Variants in TSC2 observed in about 807,000 individuals in gnomAD.
TSC2 encodes TSC complex subunit 2.
Under a neutral mutation model 202.2 loss-of-function variants are expected in TSC2, and 29 were observed. That is an observed-to-expected ratio of 0.14 (90% CI 0.11 to 0.20). TSC2 has a LOEUF of 0.20. Ranked by LOEUF, TSC2 falls within the 10% of genes least tolerant of loss-of-function variation. The pLI is 1.00. For synonymous variants in TSC2, 1,349 were observed against 1,044.0 expected, an observed-to-expected ratio of 1.29 and a Z score of -5.63; for missense variants, 2,429 against 2,420.0, an observed-to-expected ratio of 1.00 and a Z score of -0.08.
At chr16:2,066,999 T>C (rs2087473389) in intron 16 of TSC2, among the ~76,000 whole-genome samples, 1 of 151,988 alleles carries the variant, frequency 6.6e-6, no homozygotes, top group South Asian at 2.1e-4. Context: ...ATCACTTACG[T>C]GTGACTGTCA....
rs748698490 is a variant in TSC2, at chr16:2,084,672, G to A, written c.4450G>A (p.Ala1484Thr). Residue 1484 changes from alanine (A) to threonine (T), a missense_variant, in exon 34 of 42, where the codon GCC becomes ACC. By Grantham distance (58) the Ala-to-Thr change is moderately conservative. Coordinates refer to ENST00000219476, the MANE Select transcript of TSC2 (RefSeq NM_000548.5). The stretch of plus-strand genomic sequence containing the variant: ...AGAGAGGGACGCCTTAAAGAGCAGA[G>A]CCACAGCCTCCAATGCAGAGAAAGT... The part of the protein sequence containing the change: ...RVERDALKSR[A>T]TASNAEKVPG... The A allele has an allele frequency of 3.8e-6, 6 of 1,598,796 alleles. No individual in the cohort carries two copies. The highest frequency in any genetic ancestry group is 2.2e-5 in the South Asian group (2 of 91,088).
chr16:2,051,068 G>A (rs1314232393), intron 3 of TSC2, among the ~76,000 whole-genome samples: 1 of 151,596 alleles, frequency 6.6e-6, no homozygotes, highest in Admixed American at 6.6e-5. Context: ...GCTTATGCCT[G>A]TAATCCTAGG....
chr16:2,059,135 C>CA (rs2086291069), intron 10 of TSC2, among the ~76,000 whole-genome samples: 1 of 151,740 alleles, frequency 6.6e-6, no homozygotes, highest in African/African-American at 2.4e-5. Flanking sequence ...TCTATTGCCT[C>CA]AGACTCCTGA....
At position 2,053,782 on chromosome 16, in the gene TSC2, C is replaced by G. The variant is rs775568296; in HGVS notation, c.336+330C>G. On this transcript the variant is annotated intron_variant, in intron 4 of 41. Coordinates refer to ENST00000219476, the MANE Select transcript of TSC2 (RefSeq NM_000548.5). ...CTACGGTGTTGTTTTGCCCTTGCACCCTTTCGGGGCCACTCCCCTGCTCAC... is the reference window on the plus strand; with the variant it reads ...CTACGGTGTTGTTTTGCCCTTGCACGCTTTCGGGGCCACTCCCCTGCTCAC... 7 of 537,580 alleles carry G rather than the reference C, an allele frequency of 1.3e-5. No homozygotes were observed. In the African/African-American group the frequency reaches 1.3e-4, roughly 10 times the overall value. 33.3% of individuals were successfully genotyped at this position (537,580 alleles called of 1,614,324 possible).
intron 16 of TSC2, among the ~76,000 whole-genome samples, chr16:2,067,637 G>A (rs1469859663): frequency 6.6e-6 from 1 of 152,158 alleles, no homozygotes; most frequent in African/African-American, 2.4e-5. Context: ...GGGCGTGGTG[G>A]CGCATGCCTG....
chr16:2,054,345 A>T lies in TSC2; in HGVS notation c.386A>T (p.Asp129Val), dbSNP rs1555497612. Residue 129 changes from aspartate (D) to valine (V), a missense_variant, in exon 5 of 42, where the codon GAT becomes GTT. Asp to Val is a radical substitution (Grantham distance 152). Coordinates refer to ENST00000219476, the MANE Select transcript of TSC2 (RefSeq NM_000548.5). ...LRALFFKVIKDYPSNEDLHER... is the reference protein window; with the variant it reads ...LRALFFKVIKVYPSNEDLHER... ...GCCCTCTTCTTTAAGGTCATCAAGGATTACCCTTCCAACGAAGACCTTCAC... is the reference window on the plus strand; with the variant it reads ...GCCCTCTTCTTTAAGGTCATCAAGGTTTACCCTTCCAACGAAGACCTTCAC... 1 of 1,614,142 alleles carries T rather than the reference A, an allele frequency of 6.2e-7. No individual in the cohort carries two copies.
In TSC2 at chr16:2,086,261, C is replaced by T. The variant is rs920181663; in HGVS notation, c.4731C>T (p.Gly1577=). 6.2e-7 allele frequency: 1 copy of T among 1,612,712 alleles called. No individual in the cohort carries two copies. Among genetic ancestry groups the T allele is most frequent in the African/African-American group, 1.3e-5 (1 of 74,908 alleles). ...ACAGGTACACGGAGTTCCTGACGGGCCTGGGCCGGCTCATCGAGCTGAAGG... is the reference window on the plus strand; with the variant it reads ...ACAGGTACACGGAGTTCCTGACGGGTCTGGGCCGGCTCATCGAGCTGAAGG... ...GSYRYTEFLT[G]LGRLIELKDC... The change falls in exon 37 of 42, where the codon GGC becomes GGT. Residue 1577 remains glycine (G), a synonymous_variant. Transcript: ENST00000219476.
In TSC2 at chr16:2,084,229, C is replaced by G. The variant is rs148527903; in HGVS notation, c.4007C>G (p.Ser1336Trp). Residue 1336 changes from serine (S) to tryptophan (W), a missense_variant and splice_region_variant, in exon 34 of 42, where the codon TCG (serine) becomes TGG (tryptophan). Transcript: ENST00000219476. ...TCTCTTTGGGATGGTCCTTTCTAGT[C>G]GTCCTCAGTCTCCAGCCAGGAGGAG... is the stretch of plus-strand genomic sequence containing the variant. ...MDRRTDAYSR[S>W]SSVSSQEEKS... 5 of 1,584,628 alleles carry G rather than the reference C, an allele frequency of 3.2e-6. No individual in the cohort carries two copies. Among genetic ancestry groups the G allele is most frequent in the Admixed American group, 1.8e-5 (1 of 56,932 alleles).
At chr16:2,061,482 A>G in intron 11 of TSC2, 2 of 361,270 alleles carry the variant, frequency 5.5e-6, no homozygotes, top group Non-Finnish European at 1.1e-5. Flanking sequence ...TGGGAGAGGC[A>G]AGAAAGGCTT....
At chr16:2,049,010 TATC>T (rs1160565869) in intron 2 of TSC2, among the ~76,000 whole-genome samples, 1 of 152,226 alleles carries the variant, frequency 6.6e-6, no homozygotes, top group African/African-American at 2.4e-5. Flanking sequence ...GAGGCCTGAG[TATC>T]ATCATCTTCA....
chr16:2,085,771 C>T (rs960423938), intron 36 of TSC2, among the ~76,000 whole-genome samples: 1 of 152,228 alleles, frequency 6.6e-6, no homozygotes, highest in Admixed American at 6.5e-5. Flanking sequence ...CTATAGGCTG[C>T]ACCTTCATCC....
intron 32 of TSC2, chr16:2,083,267 T>C (rs1464752410): frequency 6.5e-6 from 3 of 459,990 alleles, no homozygotes; most frequent in South Asian, 4.6e-5. Context: ...GAGCCTCTGC[T>C]CTTGGGAGCA....
rs397514901 is a variant in TSC2 at position 2,080,249 on chromosome 16, C to T, written c.3482C>T (p.Ala1161Val). 1.4e-5 allele frequency: 23 copies of T among 1,612,984 alleles called. No individual in the cohort carries two copies. The highest frequency in any genetic ancestry group is 8.3e-5 in the Admixed American group (5 of 60,032). ...GCCACTTCTCCAGGACCACGGACTG[C>T]ACCAGCCGCGAAACCTGAGAAGGCC... ...GSATSPGPRTAPAAKPEKASA... is the reference protein window; with the variant it reads ...GSATSPGPRTVPAAKPEKASA... Residue 1161 changes from alanine (A) to valine (V), a missense_variant, in exon 30 of 42, where the codon GCA becomes GTA. Coordinates refer to ENST00000219476, the MANE Select transcript of TSC2 (RefSeq NM_000548.5).
chr16:2,088,694 C>CAT lies in TSC2; in HGVS notation c.*86_*87dup, dbSNP rs1365479893. 4.7e-6 allele frequency: 7 copies of CAT among 1,489,234 alleles called. No homozygotes were observed. The highest frequency in any genetic ancestry group is 6.3e-6 in the Non-Finnish European group (7 of 1,108,356). The allele number at this position is 1,489,234 out of a possible 1,614,324, so 92.3% of individuals were successfully genotyped here. A position where few individuals can be genotyped will look rare whatever the true frequency, so the allele number is the denominator to read the frequency against. On this transcript the variant is annotated 3_prime_UTR_variant, in exon 42 of 42. Coordinates refer to ENST00000219476, the MANE Select transcript of TSC2 (RefSeq NM_000548.5). ...TAAAGTCCTGACCCCAGTGCACAGACATAGAGGCACAGATTGCAGTCAGAC... is the reference window on the plus strand; with the variant it reads ...TAAAGTCCTGACCCCAGTGCACAGACATATAGAGGCACAGATTGCAGTCAGAC...
In TSC2 at chr16:2,084,508, C is replaced by T. The variant is rs757579310; in HGVS notation, c.4286C>T (p.Ala1429Val). 1.7e-5 allele frequency: 27 copies of T among 1,608,944 alleles called. No individual in the cohort carries two copies. The highest frequency in any genetic ancestry group is 3.3e-4 in the Middle Eastern group (2 of 6,074). The change falls in exon 34 of 42, where the codon GCC becomes GTC. Residue 1429 changes from alanine to valine, a missense_variant. Coordinates refer to ENST00000219476, the MANE Select transcript of TSC2 (RefSeq NM_000548.5). ...QSGTLDGESA[A>V]WSASGEDSRG... ...GGGACCCTGGACGGGGAAAGTGCTG[C>T]CTGGTCGGCCTCGGGCGAAGACAGT...
Position 2,069,993 on chromosome 16 carries a change from C to A in TSC2, c.1717-463C>A, listed in dbSNP as rs569887626. On this transcript the variant is annotated intron_variant, in intron 16 of 41. Coordinates refer to ENST00000219476, the MANE Select transcript of TSC2 (RefSeq NM_000548.5). Reference sequence around the variant, plus strand: ...AAAAGAATAACAGTGTAACCACTTACCTCCAGAGTGCTGCAAAGGGTCCCT... The same window carrying A: ...AAAAGAATAACAGTGTAACCACTTAACTCCAGAGTGCTGCAAAGGGTCCCT... Among the ~76,000 whole-genome samples the A allele has an allele frequency of 3.3e-5, 5 of 152,312 alleles. No individual in the cohort carries two copies. In the South Asian group the frequency reaches 1.0e-3, roughly 32 times the overall value.
chr16:2,073,317 G>A (rs904027012), intron 21 of TSC2, among the ~76,000 whole-genome samples: 7 of 152,190 alleles, frequency 4.6e-5, no homozygotes, highest in Non-Finnish European at 8.8e-5. Flanking sequence ...GTTCTGAGGC[G>A]CAGGGTGGGC....
intron 36 of TSC2, 128 bp from the exon 37 acceptor site, chr16:2,086,065 T>A (rs1686744932): frequency 1.8e-6 from 2 of 1,087,780 alleles, no homozygotes; most frequent in Non-Finnish European, 2.7e-6. Context: ...GCTGCTGGAA[T>A]GGATGGTCTT....
chr16:2,072,621 T>G (rs1179467738), intron 20 of TSC2: 6 of 817,550 alleles, frequency 7.3e-6, no homozygotes, highest in Non-Finnish European at 9.4e-6. Flanking sequence ...CATCTGTGCT[T>G]TTCCTAAGTG....
Sources: allele counts gnomAD v4.1 joint callset (sites outside exome capture counted in the v4.1 genomes callset), GRCh38; gene constraint gnomAD v4.1.1; transcripts MANE v1.5; gene names NCBI Gene and HGNC (gene_info 2026-07-23, HGNC 2026-07-21).